KIF3B: variants seen among roughly 807,000 people sequenced by gnomAD.
KIF3B encodes kinesin family member 3B, also known as kinesin-like protein KIF3B.
KIF3B carries 38 observed loss-of-function variants against 74.3 expected under a neutral mutation model. The observed-to-expected ratio is 0.51, with a 90% CI of 0.39 to 0.67. KIF3B has a LOEUF of 0.67. Among genes scored for constraint, KIF3B ranks in the 30% least tolerant of loss-of-function variants. KIF3B has a pLI of 0.00. For synonymous variants in KIF3B, 326 were observed against 342.5 expected, an observed-to-expected ratio of 0.95 and a Z score of 0.53; for missense variants, 649 against 932.0, an observed-to-expected ratio of 0.70 and a Z score of 3.95.
intron 1 of KIF3B, among the ~76,000 whole-genome samples, chr20:32,279,944 T>A (rs2047634377): frequency 1.3e-5 from 2 of 152,240 alleles, no homozygotes; most frequent in Admixed American, 1.3e-4. Flanking sequence ...AGCTGTGTGC[T>A]ACTGAGCAAA....
intron 1 of KIF3B, among the ~76,000 whole-genome samples, chr20:32,303,022 C>T (rs945728616): frequency 6.6e-6 from 1 of 152,084 alleles, no homozygotes; most frequent in Non-Finnish European, 1.5e-5. Context: ...ACTCATTAAC[C>T]ATCGTAGTGT....
intron 2 of KIF3B, among the ~76,000 whole-genome samples, chr20:32,312,205 A>C (rs1289739127): frequency 6.6e-6 from 1 of 151,530 alleles, no homozygotes; most frequent in Admixed American, 6.6e-5. Flanking sequence ...CCTAGGCTCA[A>C]AGGATCCTCC....
chr20:32,308,795 G>A (rs533246426), intron 1 of KIF3B, among the ~76,000 whole-genome samples: 7 of 148,426 alleles, frequency 4.7e-5, no homozygotes, highest in South Asian at 2.1e-4. Context: ...CCAGGATCTC[G>A]GCCTCTGCCT....
intron 7 of KIF3B, among the ~76,000 whole-genome samples, chr20:32,328,612 C>CA (rs142664447): frequency 0.33 from 42,588 of 130,962 alleles, 8,259 homozygotes; most frequent in African/African-American, 0.57. Flanking sequence ...CACTCTGTCT[C>CA]AAAAAAAAAA....
At chr20:32,312,555 A>T (rs1555896023) in intron 2 of KIF3B, among the ~76,000 whole-genome samples, 1 of 152,002 alleles carries the variant, frequency 6.6e-6, no homozygotes, top group Non-Finnish European at 1.5e-5. Context: ...TTTTCATATA[A>T]TTTTTTGCTT....
chr20:32,291,797 A>G (rs2047692620), intron 1 of KIF3B, among the ~76,000 whole-genome samples: 1 of 151,886 alleles, frequency 6.6e-6, no homozygotes, highest in Admixed American at 6.6e-5. Context: ...TTATATTTTT[A>G]GTAGAGACAG....
At position 32,311,802 on chromosome 20, in the gene KIF3B, C is replaced by CT. The variant is rs771615918; in HGVS notation, c.1404+638dup. Among the ~76,000 whole-genome samples, 423 of 132,116 alleles carry CT rather than the reference C, an allele frequency of 3.2e-3. 9 individuals are homozygous for CT. The highest frequency in any genetic ancestry group is 9.8e-3 in the African/African-American group (341 of 34,728). The allele number at this position is 132,116 out of a possible 152,430, so 86.7% of individuals were successfully genotyped here. On this transcript the variant is annotated intron_variant, in intron 2 of 8. Transcript: ENST00000375712. Reference sequence around the variant, plus strand: ...AAGAAATAGAACAACATCCATTTTTCTTTTTTTTTTTTTTTTTGAGATGGA... The same window carrying CT: ...AAGAAATAGAACAACATCCATTTTTCTTTTTTTTTTTTTTTTTTGAGATGGA...
chr20:32,295,360 T>C (rs1465675698), intron 1 of KIF3B, among the ~76,000 whole-genome samples: 2 of 151,726 alleles, frequency 1.3e-5, no homozygotes, highest in East Asian at 3.9e-4. Flanking sequence ...TGGTGCGATC[T>C]CAGCTCACTG....
intron 1 of KIF3B, among the ~76,000 whole-genome samples, chr20:32,293,158 G>A (rs1214627410): frequency 6.6e-6 from 1 of 152,082 alleles, no homozygotes; most frequent in Non-Finnish European, 1.5e-5. Flanking sequence ...GGAGTCTGAG[G>A]TGGGAAGATT....
intron 1 of KIF3B, among the ~76,000 whole-genome samples, chr20:32,303,953 T>C (rs2047756909): frequency 6.6e-6 from 1 of 152,158 alleles, no homozygotes; most frequent in African/African-American, 2.4e-5. Flanking sequence ...AATGACCCTC[T>C]GACAAGGGTT....
At chr20:32,313,274 G>A (rs1343450253) in intron 2 of KIF3B, among the ~76,000 whole-genome samples, 2 of 152,130 alleles carry the variant, frequency 1.3e-5, no homozygotes, top group Non-Finnish European at 2.9e-5. Flanking sequence ...GGAAGGCTGA[G>A]GATGGCCACT....
At chr20:32,296,517 T>C (rs1312595284) in intron 1 of KIF3B, among the ~76,000 whole-genome samples, 2 of 152,030 alleles carry the variant, frequency 1.3e-5, no homozygotes, top group Middle Eastern at 3.4e-3. Flanking sequence ...CAAGAATCGC[T>C]TGAATGGGAG....
intron 1 of KIF3B, among the ~76,000 whole-genome samples, chr20:32,301,196 T>A (rs2047742429): frequency 1.4e-5 from 2 of 145,730 alleles, no homozygotes; most frequent in Admixed American, 1.4e-4. Context: ...CAAGCAATTC[T>A]CCCGCCTCAG....
At chr20:32,290,075 T>C (rs1303315369) in intron 1 of KIF3B, among the ~76,000 whole-genome samples, 1 of 151,938 alleles carries the variant, frequency 6.6e-6, no homozygotes, top group East Asian at 1.9e-4. Context: ...CTCCGAGGGG[T>C]AAGAAACTTT....
At chr20:32,326,719 C>A in intron 5 of KIF3B, 52 bp from the exon 6 acceptor site, 1 of 754,512 alleles carries the variant, frequency 1.3e-6, no homozygotes, top group South Asian at 1.7e-5. Context: ...AGATAGCTGA[C>A]ACTTCATATG....
intron 1 of KIF3B, among the ~76,000 whole-genome samples, chr20:32,299,944 C>T (rs540876037): frequency 3.3e-5 from 5 of 150,978 alleles, no homozygotes; most frequent in South Asian, 2.1e-4. Flanking sequence ...TGTGTCATCA[C>T]GCCTGGCTAA....
At chr20:32,313,587 T>C in intron 2 of KIF3B, among the ~76,000 whole-genome samples, 1 of 152,198 alleles carries the variant, frequency 6.6e-6, no homozygotes, top group East Asian at 1.9e-4. Flanking sequence ...TGGAGTCGTA[T>C]ACAACACAAT....
chr20:32,311,927 A>G (rs1036479654), intron 2 of KIF3B, among the ~76,000 whole-genome samples: 1 of 149,054 alleles, frequency 6.7e-6, no homozygotes, highest in African/African-American at 2.5e-5. Flanking sequence ...CTCAGCCTCC[A>G]GAGTACCTGG....
chr20:32,285,958 C>T (rs550536882), intron 1 of KIF3B, among the ~76,000 whole-genome samples: 17 of 152,282 alleles, frequency 1.1e-4, no homozygotes, highest in Non-Finnish European at 2.2e-4. Context: ...ACACTGATTG[C>T]GGACATTGAG....
Sources: gnomAD v4.1 joint callset for allele counts (sites outside exome capture counted in the v4.1 genomes callset) on GRCh38, gnomAD v4.1.1 for gene constraint, MANE v1.5 for transcripts, NCBI Gene and HGNC (gene_info 2026-07-23, HGNC 2026-07-21) for gene names.